Variants in RANBP2 observed in about 807,000 individuals in gnomAD.
The protein encoded by RANBP2 is E3 SUMO-protein ligase RanBP2.
In RANBP2, 57 loss-of-function variants were observed where a neutral mutation model predicts 303.6. The ratio of observed to expected loss-of-function variants is 0.19; its 90% confidence interval spans 0.15 to 0.23. The LOEUF (loss-of-function observed/expected upper bound fraction) is 0.23, where lower values mean the gene tolerates loss of function less well. Ranked by LOEUF, RANBP2 falls within the 10% of genes least tolerant of loss-of-function variation. The pLI, the probability that RANBP2 is intolerant of heterozygous loss-of-function variation, is 1.00. For missense variants in RANBP2, 3,138 were observed against 3,780.8 expected (o/e 0.83, Z 4.46); for synonymous variants, 1,167 against 1,301.5 (o/e 0.90, Z 2.23).
the RANBP2 span, among the ~76,000 whole-genome samples, chr2:109,509,469 C>T: frequency 5.9e-5 from 9 of 152,022 alleles, no homozygotes; most frequent in South Asian, 2.1e-4. Flanking sequence ...GCTTGCACAC[C>T]GCCGTCTCCT....
At chr2:109,409,786 A>G in the RANBP2 span, among the ~76,000 whole-genome samples, 1 of 151,928 alleles carries the variant, frequency 6.6e-6, no homozygotes, top group Non-Finnish European at 1.5e-5. Context: ...TCAGCCATAA[A>G]TGTTTTATTC....
chr2:108,833,698 A>G, the RANBP2 span, among the ~76,000 whole-genome samples: 1 of 151,476 alleles, frequency 6.6e-6, no homozygotes, highest in African/African-American at 2.4e-5. Context: ...TTTTTTGTTG[A>G]CAAAATCAAA....
chr2:108,994,789 T>C, the RANBP2 span, among the ~76,000 whole-genome samples: 1 of 124,952 alleles, frequency 8.0e-6, no homozygotes, highest in African/African-American at 3.0e-5. Context: ...TATCTGTGCA[T>C]TGGGTTATAT....
At chr2:109,479,089 C>T in the RANBP2 span, among the ~76,000 whole-genome samples, 2 of 152,260 alleles carry the variant, frequency 1.3e-5, no homozygotes, top group African/African-American at 4.8e-5. Flanking sequence ...GGCTGCAGGT[C>T]AGAGCACCAG....
the RANBP2 span, among the ~76,000 whole-genome samples, chr2:108,800,608 CTTTTTTTTTTTTTTT>C: frequency 3.0e-4 from 10 of 33,490 alleles, no homozygotes; most frequent in Admixed American, 1.1e-3. Context: ...CTCAGTTTAG[CTTTTTTTTTTTTTTT>C]TTTTTTTTTT....
the RANBP2 span, among the ~76,000 whole-genome samples, chr2:109,509,180 G>A: frequency 5.5e-4 from 84 of 152,264 alleles, no homozygotes; most frequent in African/African-American, 1.9e-3. Flanking sequence ...CCAGGGTCAC[G>A]GAGATGAATC....
chr2:109,339,206 T>C, the RANBP2 span, among the ~76,000 whole-genome samples: 629 of 151,660 alleles, frequency 4.1e-3, 3 homozygotes, highest in African/African-American at 0.015. Context: ...GGTATAACTT[T>C]TATTGAAAAA....
At chr2:108,798,616 G>A in the RANBP2 span, 2 of 1,499,534 alleles carry the variant, frequency 1.3e-6, no homozygotes, top group South Asian at 2.4e-5. Context: ...TTTTAGAGTG[G>A]TATATTTCTT....
At chr2:109,542,494 C>A in the RANBP2 span, among the ~76,000 whole-genome samples, 1 of 152,186 alleles carries the variant, frequency 6.6e-6, no homozygotes, top group Non-Finnish European at 1.5e-5. Context: ...AGGAGAGCTG[C>A]TTTATAAACA....
At chr2:109,608,420 G>A in the RANBP2 span, among the ~76,000 whole-genome samples, 1 of 152,194 alleles carries the variant, frequency 6.6e-6, no homozygotes. Context: ...CACACAGAGG[G>A]CAGGATAAAC....
chr2:109,136,056 G>A, the RANBP2 span, among the ~76,000 whole-genome samples: 1 of 152,184 alleles, frequency 6.6e-6, no homozygotes, highest in Non-Finnish European at 1.5e-5. Flanking sequence ...ATGGAGCTGA[G>A]CAGAATTCTA....
the RANBP2 span, among the ~76,000 whole-genome samples, chr2:109,416,237 A>T: frequency 0.03 from 4,588 of 152,200 alleles, 237 homozygotes; most frequent in African/African-American, 0.1. Context: ...CGCCCAGCCC[A>T]GGTTGGGTAC....
chr2:109,432,313 G>T, the RANBP2 span, among the ~76,000 whole-genome samples: 7 of 152,286 alleles, frequency 4.6e-5, no homozygotes, highest in African/African-American at 1.4e-4. Context: ...TCCCTGCCTC[G>T]TGGGTTTGTT....
the RANBP2 span, among the ~76,000 whole-genome samples, chr2:109,597,753 C>G: frequency 6.6e-6 from 1 of 152,150 alleles, no homozygotes. Flanking sequence ...ATCTATGAAT[C>G]CTAGAAAGAA....
At chr2:109,594,330 C>A in the RANBP2 span, among the ~76,000 whole-genome samples, 1 of 152,174 alleles carries the variant, frequency 6.6e-6, no homozygotes, top group East Asian at 1.9e-4. Context: ...TCCCTTCCCA[C>A]TCTTGATTCT....
At chr2:108,779,507 T>A (rs1678097191) in intron 25 of RANBP2, among the ~76,000 whole-genome samples, 1 of 152,158 alleles carries the variant, frequency 6.6e-6, no homozygotes, top group South Asian at 2.1e-4. Context: ...CTCCATTAAA[T>A]CTGTCTGAAA....
chr2:109,650,583 C>G, the RANBP2 span, among the ~76,000 whole-genome samples: 3 of 152,202 alleles, frequency 2.0e-5, no homozygotes, highest in African/African-American at 7.2e-5. Context: ...CAAATCTCAT[C>G]TTGAATTGTA....
chr2:108,800,637 T>A, the RANBP2 span, among the ~76,000 whole-genome samples: 7 of 73,296 alleles, frequency 9.6e-5, no homozygotes, highest in Admixed American at 4.8e-4. Flanking sequence ...TTTTTTTTTT[T>A]TAATTATACT....
At chr2:108,824,096 A>C in the RANBP2 span, among the ~76,000 whole-genome samples, 1 of 152,318 alleles carries the variant, frequency 6.6e-6, no homozygotes, top group East Asian at 1.9e-4. Context: ...TGAGTGTGAA[A>C]GTCTAAGACA....
Sources: gnomAD v4.1 joint callset for allele counts (sites outside exome capture counted in the v4.1 genomes callset) on GRCh38, gnomAD v4.1.1 for gene constraint, MANE v1.5 for transcripts, NCBI Gene and HGNC (gene_info 2026-07-23, HGNC 2026-07-21) for gene names.